CHST11: variants seen among roughly 807,000 people sequenced by gnomAD.
CHST11 encodes carbohydrate sulfotransferase 11, also known as C4S-1.
CHST11 carries 9 observed loss-of-function variants against 30.4 expected under a neutral mutation model. The observed-to-expected ratio is 0.30, with a 90% CI of 0.18 to 0.52. The LOEUF is 0.52. Ranked by LOEUF, CHST11 falls within the 20% of genes least tolerant of loss-of-function variation. CHST11 has a pLI of 0.97. For synonymous variants in CHST11, 152 were observed against 187.8 expected (o/e 0.81, Z 1.56); for missense variants, 348 against 460.6 (o/e 0.76, Z 2.24).
intron 1 of CHST11, among the ~76,000 whole-genome samples, chr12:104,505,357 T>G (rs886324744): frequency 2.0e-5 from 3 of 152,024 alleles, no homozygotes; most frequent in African/African-American, 7.2e-5. Flanking sequence ...AGAGCTACCC[T>G]GCACATGATG....
chr12:104,599,382 C>T (rs1447458041), intron 1 of CHST11, among the ~76,000 whole-genome samples: 2 of 152,204 alleles, frequency 1.3e-5, no homozygotes, highest in African/African-American at 2.4e-5. Context: ...AGCCATGGGC[C>T]TCGATGAGCC....
At chr12:104,531,890 A>G (rs1339173512) in intron 1 of CHST11, among the ~76,000 whole-genome samples, 1 of 152,226 alleles carries the variant, frequency 6.6e-6, no homozygotes, top group African/African-American at 2.4e-5. Flanking sequence ...TTGTTTGCTA[A>G]CAGTCAGAAT....
At chr12:104,646,873 G>A (rs2694415) in intron 2 of CHST11, among the ~76,000 whole-genome samples, 23,844 of 152,082 alleles carry the variant, frequency 0.16, 1,986 homozygotes, top group Non-Finnish European at 0.17. Context: ...TCATTCCACA[G>A]ATAATCCCTG....
intron 2 of CHST11, among the ~76,000 whole-genome samples, chr12:104,733,597 CA>C (rs2136134106): frequency 6.6e-6 from 1 of 152,324 alleles, no homozygotes; most frequent in East Asian, 1.9e-4. Flanking sequence ...TAGGTGGGTG[CA>C]AAAGTAATTG....
intron 2 of CHST11, among the ~76,000 whole-genome samples, chr12:104,682,059 T>A (rs1242252375): frequency 6.6e-6 from 1 of 152,130 alleles, no homozygotes; most frequent in East Asian, 1.9e-4. Flanking sequence ...GGTCTCGATC[T>A]CCTGACCTCG....
intron 1 of CHST11, among the ~76,000 whole-genome samples, chr12:104,541,601 C>G (rs189135930): frequency 2.3e-4 from 35 of 152,246 alleles, no homozygotes; most frequent in Admixed American, 1.6e-3. Context: ...TCTTTCAAAT[C>G]CCCCTGTTGG....
intron 1 of CHST11, among the ~76,000 whole-genome samples, chr12:104,500,848 G>A (rs767409550): frequency 1.3e-5 from 2 of 152,150 alleles, no homozygotes; most frequent in South Asian, 2.1e-4. Context: ...GAACTATTGC[G>A]GTAGGTTGGC....
intron 1 of CHST11, among the ~76,000 whole-genome samples, chr12:104,497,226 G>C (rs1565963393): frequency 6.6e-6 from 1 of 152,224 alleles, no homozygotes; most frequent in Non-Finnish European, 1.5e-5. Context: ...GGTCTTAAGA[G>C]AGACAAATAA....
intron 1 of CHST11, among the ~76,000 whole-genome samples, chr12:104,579,105 A>G (rs2038713614): frequency 1.3e-5 from 2 of 152,156 alleles, no homozygotes; most frequent in Non-Finnish European, 2.9e-5. Context: ...ACCCTTAAGC[A>G]ATGAGAGAGA....
rs61940000 is a variant in CHST11 at position 104,515,364 on chromosome 12, G to A, written c.118+57835G>A. 1.6e-3 allele frequency among the ~76,000 whole-genome samples: 239 copies of A among 152,296 alleles called. 1 individual carries two copies. The highest frequency in any genetic ancestry group is 4.2e-3 in the Admixed American group (65 of 15,302). On this transcript the variant is annotated intron_variant, in intron 1 of 2. Transcript: ENST00000303694. ...TACAGGAAAAAATGTGCCAGCCCCT[G>A]ATGTAGGACAGTGGTTATTGTTCAT...
At chr12:104,722,196 T>TGTGTGTGTGTGTGTGTGTGTG (rs1555247521) in intron 2 of CHST11, among the ~76,000 whole-genome samples, 1 of 75,016 alleles carries the variant, frequency 1.3e-5, no homozygotes, top group African/African-American at 8.1e-5. Flanking sequence ...GTGTATGAGA[T>TGTGTGTGTGTGTGTGTGTGTG]TTTACCATTG....
intron 2 of CHST11, among the ~76,000 whole-genome samples, chr12:104,633,066 T>C (rs2039287561): frequency 6.6e-6 from 1 of 152,196 alleles, no homozygotes; most frequent in Non-Finnish European, 1.5e-5. Flanking sequence ...AGCTCTTCCA[T>C]CCGGGAATAA....
chr12:104,476,322 C>T (rs1038247645), intron 1 of CHST11, among the ~76,000 whole-genome samples: 10 of 150,482 alleles, frequency 6.6e-5, no homozygotes, highest in Admixed American at 5.3e-4. Context: ...ATGTTATACA[C>T]ACATATAATA....
At position 104,606,177 on chromosome 12, in the gene CHST11, G is replaced by C. The variant is rs1423285268; in HGVS notation, c.204+4186G>C. On this transcript the variant is annotated intron_variant, in intron 2 of 2. Transcript: ENST00000303694. ...GGGGAACTCTCTGGGGCGGGGGGCG[G>C]GGGGGGGAATGGCTCCAGGAAAACT... is the stretch of plus-strand genomic sequence containing the variant. Among the ~76,000 whole-genome samples, 8 of 133,712 alleles carry C rather than the reference G, an allele frequency of 6.0e-5. No homozygotes were observed. In the South Asian group the frequency reaches 1.4e-3, roughly 24 times the overall value. 87.7% of individuals were successfully genotyped at this position (133,712 alleles called of 152,430 possible). A position where few individuals can be genotyped will look rare whatever the true frequency, so the allele number is the denominator to read the frequency against.
chr12:104,715,789 G>C (rs1268153282), intron 2 of CHST11, among the ~76,000 whole-genome samples: 1 of 152,194 alleles, frequency 6.6e-6, no homozygotes, highest in African/African-American at 2.4e-5. Flanking sequence ...CACCCCTGGG[G>C]GATATCGCTC....
intron 2 of CHST11, among the ~76,000 whole-genome samples, chr12:104,745,469 G>C (rs891810464): frequency 6.6e-6 from 1 of 152,182 alleles, no homozygotes; most frequent in Non-Finnish European, 1.5e-5. Context: ...GTCTAGTACT[G>C]TGAAAAATGT....
intron 1 of CHST11, among the ~76,000 whole-genome samples, chr12:104,487,207 G>A (rs1364924266): frequency 6.6e-6 from 1 of 152,162 alleles, no homozygotes; most frequent in Non-Finnish European, 1.5e-5. Context: ...GTCTCTTCTT[G>A]AGTGCCTGAT....
intron 1 of CHST11, among the ~76,000 whole-genome samples, chr12:104,589,792 C>T (rs1253647985): frequency 6.6e-6 from 1 of 151,972 alleles, no homozygotes; most frequent in African/African-American, 2.4e-5. Context: ...GGCGGATCAC[C>T]TGAGGTCAGG....
intron 1 of CHST11, among the ~76,000 whole-genome samples, chr12:104,554,805 G>A (rs764513653): frequency 2.6e-5 from 4 of 152,208 alleles, no homozygotes; most frequent in African/African-American, 4.8e-5. Context: ...TATGCTGACC[G>A]CATGTGGTTC....
Sources: gnomAD v4.1 joint callset for allele counts (sites outside exome capture counted in the v4.1 genomes callset) on GRCh38, gnomAD v4.1.1 for gene constraint, MANE v1.5 for transcripts, NCBI Gene and HGNC (gene_info 2026-07-23, HGNC 2026-07-21) for gene names.